DCHS2: variants seen among roughly 807,000 people sequenced by gnomAD.
DCHS2 encodes the protein protocadherin-23.
In DCHS2, 142 loss-of-function variants were observed where a neutral mutation model predicts 182.4. The observed-to-expected ratio is 0.78, with a 90% CI of 0.68 to 0.89. DCHS2 has a LOEUF of 0.89. DCHS2 is among the 40% of genes least tolerant of loss of function. DCHS2 has a pLI of 0.00. For synonymous variants in DCHS2, 1,740 were observed against 1,663.3 expected, an observed-to-expected ratio of 1.05 and a Z score of -1.12; for missense variants, 4,319 against 4,198.6, an observed-to-expected ratio of 1.03 and a Z score of -0.79.
At chr4:154,375,519 T>C (rs1410022364) in intron 2 of DCHS2, among the ~76,000 whole-genome samples, 1 of 152,066 alleles carries the variant, frequency 6.6e-6, no homozygotes, top group Non-Finnish European at 1.5e-5. Context: ...GAATAAAGGA[T>C]TTTCTTCTGT....
chr4:154,381,028 T>A (rs1259586351), intron 1 of DCHS2, among the ~76,000 whole-genome samples: 3 of 152,084 alleles, frequency 2.0e-5, no homozygotes, highest in Non-Finnish European at 4.4e-5. Flanking sequence ...AGATGATTGT[T>A]TAAATTGAAG....
chr4:154,412,082 T>C (rs1442196097), intron 1 of DCHS2, among the ~76,000 whole-genome samples: 1 of 152,146 alleles, frequency 6.6e-6, no homozygotes, highest in African/African-American at 2.4e-5. Flanking sequence ...CATTCTCAAA[T>C]ATGAAATAAA....
At chr4:154,361,950 A>T (rs1437577328) in intron 3 of DCHS2, among the ~76,000 whole-genome samples, 3 of 152,222 alleles carry the variant, frequency 2.0e-5, no homozygotes, top group Non-Finnish European at 4.4e-5. Flanking sequence ...TCAAAATGAA[A>T]GAATGAATGA....
intron 1 of DCHS2, among the ~76,000 whole-genome samples, chr4:154,395,422 T>C (rs1473240168): frequency 6.6e-6 from 1 of 152,172 alleles, no homozygotes; most frequent in Non-Finnish European, 1.5e-5. Context: ...TAGGAGACTC[T>C]GGATTAAATC....
Position 154,491,685 on chromosome 4 carries a change from T to G in DCHS2, c.-330A>C. 8.7e-7 allele frequency: 1 copy of G among 1,151,810 alleles called. No homozygotes were observed. Among genetic ancestry groups the G allele is most frequent in the Non-Finnish European group, 1.1e-6 (1 of 938,314 alleles). 71.3% of individuals were successfully genotyped at this position (1,151,810 alleles called of 1,614,324 possible). ...CTGTTCCTTGTTCTACTCGGCTGGT[T>G]GTTCCCCCCTGGTAAAGTCAGGTGC... is the stretch of plus-strand genomic sequence containing the variant. On this transcript the variant is annotated 5_prime_UTR_variant, in exon 1 of 20. Coordinates refer to ENST00000357232, the MANE Select transcript of DCHS2 (RefSeq NM_001358235.2).
chr4:154,325,615 GGAAA>G (rs1736249412), intron 7 of DCHS2, among the ~76,000 whole-genome samples: 1 of 152,082 alleles, frequency 6.6e-6, no homozygotes, highest in South Asian at 2.1e-4. Context: ...GGGAGAATGG[GGAAA>G]GAGTCTCTGA....
intron 1 of DCHS2, among the ~76,000 whole-genome samples, chr4:154,449,389 T>C (rs1734440163): frequency 6.6e-6 from 1 of 152,130 alleles, no homozygotes; most frequent in Non-Finnish European, 1.5e-5. Flanking sequence ...ATCTTTTTTT[T>C]TTTTAGACAG....
chr4:154,287,186 C>G (rs1283309220), intron 13 of DCHS2, among the ~76,000 whole-genome samples: 3 of 152,126 alleles, frequency 2.0e-5, no homozygotes, highest in Non-Finnish European at 4.4e-5. Flanking sequence ...AACACCAGAC[C>G]TGTCTTACAA....
Position 154,490,299 on chromosome 4 carries a change from C to T in DCHS2, c.1057G>A (p.Ala353Thr), listed in dbSNP as rs1236455201. The T allele has an allele frequency of 6.5e-7, 1 of 1,546,982 alleles. No individual in the cohort carries two copies. The highest frequency in any genetic ancestry group is 8.7e-7 in the Non-Finnish European group (1 of 1,146,624). The change falls in exon 1 of 20, where the codon GCG (alanine) becomes ACG (threonine). Residue 353 changes from alanine to threonine, a missense_variant. Coordinates refer to ENST00000357232, the MANE Select transcript of DCHS2 (RefSeq NM_001358235.2). ...AGSGGGALGD[A>T]AYFAVEELSG... Reference sequence around the variant, plus strand: ...AGCTCCTCCACCGCGAAGTAGGCCGCGTCGCCCAGTGCCCCGCCGCCGCTA... The same window carrying T: ...AGCTCCTCCACCGCGAAGTAGGCCGTGTCGCCCAGTGCCCCGCCGCCGCTA...
At chr4:154,347,528 T>C (rs1729415919) in intron 3 of DCHS2, among the ~76,000 whole-genome samples, 1 of 151,730 alleles carries the variant, frequency 6.6e-6, no homozygotes, top group Non-Finnish European at 1.5e-5. Flanking sequence ...ACATCGTATA[T>C]ATAAACAAAG....
intron 16 of DCHS2, among the ~76,000 whole-genome samples, chr4:154,247,242 T>C (rs1340580329): frequency 3.3e-5 from 5 of 152,158 alleles, no homozygotes; most frequent in South Asian, 4.1e-4. Context: ...TTTGGGAGGC[T>C]GAGGCGGGTG....
chr4:154,439,497 T>G (rs1368994369), intron 1 of DCHS2, among the ~76,000 whole-genome samples: 1 of 152,228 alleles, frequency 6.6e-6, no homozygotes, highest in African/African-American at 2.4e-5. Flanking sequence ...ATATTTGCAT[T>G]GGCTATATCA....
intron 16 of DCHS2, among the ~76,000 whole-genome samples, chr4:154,251,628 C>T (rs1167201602): frequency 1.3e-5 from 2 of 152,210 alleles, no homozygotes; most frequent in Admixed American, 1.3e-4. Flanking sequence ...AAGCGATTCT[C>T]CTGCCTCAGC....
Position 154,232,933 on chromosome 4 carries a change from A to G in DCHS2, c.*1603T>C, listed in dbSNP as rs1731261295. The G allele has an allele frequency of 6.6e-6, 1 of 151,270 alleles. No individual in the cohort carries two copies. Among genetic ancestry groups the G allele is most frequent in the Non-Finnish European group, 1.5e-5 (1 of 68,026 alleles). 9.4% of individuals were successfully genotyped at this position (151,270 alleles called of 1,614,324 possible). ...ACATTTGTTCCCAATCTCAGTCAGC[A>G]TAGATAGATAATAGAAAATATCAGC... On this transcript the variant is annotated 3_prime_UTR_variant, in exon 20 of 20. Coordinates refer to ENST00000357232, the MANE Select transcript of DCHS2 (RefSeq NM_001358235.2).
At chr4:154,488,585 T>G (rs1300211482) in intron 1 of DCHS2, among the ~76,000 whole-genome samples, 2 of 121,538 alleles carry the variant, frequency 1.6e-5, no homozygotes, top group Admixed American at 1.9e-4. Flanking sequence ...TTCCCTAGGT[T>G]GCCTCATAAA....
intron 7 of DCHS2, among the ~76,000 whole-genome samples, chr4:154,324,118 C>T (rs575834609): frequency 6.6e-6 from 1 of 152,304 alleles, no homozygotes; most frequent in African/African-American, 2.4e-5. Flanking sequence ...AATGTTCCAA[C>T]TATGATAAGT....
intron 16 of DCHS2, among the ~76,000 whole-genome samples, chr4:154,248,512 T>A (rs923046646): frequency 4.6e-5 from 7 of 152,100 alleles, no homozygotes; most frequent in Admixed American, 2.0e-4. Context: ...TTTGATTTTT[T>A]TAAAAAATGT....
intron 12 of DCHS2, among the ~76,000 whole-genome samples, chr4:154,303,015 C>A (rs1443461748): frequency 5.6e-5 from 8 of 143,196 alleles, no homozygotes; most frequent in African/African-American, 1.8e-4. Flanking sequence ...AAGTCTCACT[C>A]TTTTCCCCCA....
intron 13 of DCHS2, among the ~76,000 whole-genome samples, chr4:154,296,021 G>T (rs1734910581): frequency 6.6e-6 from 1 of 152,144 alleles, no homozygotes; most frequent in South Asian, 2.1e-4. Flanking sequence ...CATTTTCAAA[G>T]TCTGAGTATT....
Sources: gnomAD v4.1 joint callset for allele counts (sites outside exome capture counted in the v4.1 genomes callset) on GRCh38, gnomAD v4.1.1 for gene constraint, MANE v1.5 for transcripts, NCBI Gene and HGNC (gene_info 2026-07-23, HGNC 2026-07-21) for gene names.